RAB28: variants seen among roughly 807,000 people sequenced by gnomAD.
The protein encoded by RAB28 is RAB28, member RAS oncogene family.
Under a neutral mutation model 31.7 loss-of-function variants are expected in RAB28, and 24 were observed. The ratio of observed to expected loss-of-function variants is 0.76; its 90% CI spans 0.55 to 1.06. RAB28 has a LOEUF of 1.06. Among genes scored for constraint, RAB28 ranks in the 50% least tolerant of loss-of-function variants. The probability of loss-of-function intolerance (pLI) is 0.00; values close to 1 mark genes in which losing one functional copy is unlikely to be tolerated. For missense variants in RAB28, 254 were observed against 258.5 expected (o/e 0.98, Z 0.12); for synonymous variants, 100 against 90.4 (o/e 1.11, Z -0.60).
chr4:13,428,057 T>G (rs1021110020), intron 4 of RAB28, among the ~76,000 whole-genome samples: 2 of 152,174 alleles, frequency 1.3e-5, no homozygotes, highest in African/African-American at 4.8e-5. Flanking sequence ...GGGGGCTGCA[T>G]GCATCAGTAA....
chr4:13,483,049 T>C (rs1429290096), intron 1 of RAB28, among the ~76,000 whole-genome samples: 1 of 152,134 alleles, frequency 6.6e-6, no homozygotes, highest in African/African-American at 2.4e-5. Context: ...GGTGATAAAC[T>C]TTAGCAATAT....
chr4:13,437,290 G>A (rs1714176352), intron 4 of RAB28, among the ~76,000 whole-genome samples: 1 of 152,078 alleles, frequency 6.6e-6, no homozygotes, highest in South Asian at 2.1e-4. Context: ...AAACCCTCCT[G>A]AACATTGGCA....
intron 5 of RAB28, among the ~76,000 whole-genome samples, chr4:13,377,547 C>T (rs4834950): frequency 0.99 from 150,954 of 152,304 alleles, 74,832 homozygotes; most frequent in Middle Eastern, 1. Context: ...TAAAAGAAGA[C>T]GAGCAAAGAG....
chr4:13,384,915 T>C (rs186693818), intron 4 of RAB28, among the ~76,000 whole-genome samples: 153 of 152,180 alleles, frequency 1.0e-3, no homozygotes, highest in African/African-American at 3.5e-3. Context: ...GAAACGAAGG[T>C]CACTGAGATG....
At chr4:13,411,073 GA>G in intron 4 of RAB28, among the ~76,000 whole-genome samples, 1 of 151,640 alleles carries the variant, frequency 6.6e-6, no homozygotes, top group Middle Eastern at 3.4e-3. Context: ...AAGAAACAGA[GA>G]AAAAAATCCT....
At chr4:13,421,585 C>G (rs939886030) in intron 4 of RAB28, among the ~76,000 whole-genome samples, 6 of 152,180 alleles carry the variant, frequency 3.9e-5, no homozygotes, top group African/African-American at 1.4e-4. Flanking sequence ...ACAGAGGCCT[C>G]AGAAACAACA....
At chr4:13,381,190 G>A (rs1246946817) in intron 5 of RAB28, among the ~76,000 whole-genome samples, 1 of 152,080 alleles carries the variant, frequency 6.6e-6, no homozygotes, top group East Asian at 1.9e-4. Flanking sequence ...CAGCACTAGT[G>A]TGAGCATCAG....
At chr4:13,433,620 C>T (rs1338661648) in intron 4 of RAB28, among the ~76,000 whole-genome samples, 1 of 151,576 alleles carries the variant, frequency 6.6e-6, no homozygotes, top group Non-Finnish European at 1.5e-5. Context: ...TACAATCTCA[C>T]ACCAGTCAGC....
chr4:13,369,740 C>T (rs777732020), intron 6 of RAB28: 19 of 880,744 alleles, frequency 2.2e-5, no homozygotes, highest in African/African-American at 3.5e-5. Context: ...AAGACGTAGA[C>T]GTGATATTAA....
chr4:13,408,024 C>T (rs375115763), intron 4 of RAB28, among the ~76,000 whole-genome samples: 1 of 152,152 alleles, frequency 6.6e-6, no homozygotes, highest in East Asian at 1.9e-4. Context: ...TGCCTGATTG[C>T]CCTGGCCAGA....
In RAB28 at chr4:13,367,764, C is replaced by T; in HGVS notation, c.*794G>A. On this transcript the variant is annotated 3_prime_UTR_variant, in exon 7 of 7. Coordinates refer to ENST00000330852, the MANE Select transcript of RAB28 (RefSeq NM_001017979.3). ...TATTTGTGAAAGAAAAACATCTGAA[C>T]ATCAGGTACAGTCTGATCCACAATG... The T allele has an allele frequency of 6.1e-6, 6 of 985,100 alleles. No individual in the cohort carries two copies. Among genetic ancestry groups the T allele is most frequent in the Non-Finnish European group, 7.2e-6 (6 of 829,684 alleles). The allele number at this position is 985,100 out of a possible 1,614,324, so 61.0% of individuals were successfully genotyped here.
chr4:13,442,091 A>G (rs555575633), intron 4 of RAB28, among the ~76,000 whole-genome samples: 1 of 152,246 alleles, frequency 6.6e-6, no homozygotes, highest in Non-Finnish European at 1.5e-5. Flanking sequence ...GGGTAATCTC[A>G]AATAGTCAAT....
At chr4:13,448,345 C>A (rs1714799651) in intron 4 of RAB28, among the ~76,000 whole-genome samples, 1 of 151,892 alleles carries the variant, frequency 6.6e-6, no homozygotes, top group Admixed American at 6.6e-5. Context: ...ATGAATTATG[C>A]TTTTATTAGC....
At chr4:13,389,213 C>A (rs1729518536) in intron 4 of RAB28, among the ~76,000 whole-genome samples, 1 of 152,088 alleles carries the variant, frequency 6.6e-6, no homozygotes, top group Non-Finnish European at 1.5e-5. Context: ...TCACCAAATG[C>A]AAATATCATA....
intron 4 of RAB28, among the ~76,000 whole-genome samples, chr4:13,415,482 A>G (rs1380431245): frequency 1.3e-5 from 2 of 152,100 alleles, no homozygotes; most frequent in Non-Finnish European, 1.5e-5. Flanking sequence ...AGCGGGCTGC[A>G]CTCAGAGCGC....
chr4:13,455,926 T>A (rs1215698921), intron 4 of RAB28, among the ~76,000 whole-genome samples: 1 of 152,230 alleles, frequency 6.6e-6, no homozygotes, highest in South Asian at 2.1e-4. Flanking sequence ...GTGCCAGATG[T>A]CTCTATTCAC....
chr4:13,425,374 T>C (rs1178705664), intron 4 of RAB28, among the ~76,000 whole-genome samples: 2 of 152,200 alleles, frequency 1.3e-5, no homozygotes, highest in Non-Finnish European at 2.9e-5. Flanking sequence ...CTTAAACTAA[T>C]ACTAAAATTA....
chr4:13,448,327 CAAAT>C (rs1217714097), intron 4 of RAB28, among the ~76,000 whole-genome samples: 2 of 151,832 alleles, frequency 1.3e-5, no homozygotes, highest in African/African-American at 2.4e-5. Context: ...TAAAAGAAAA[CAAAT>C]AAGATGAATT....
chr4:13,429,080 G>C (rs543339399), intron 4 of RAB28, among the ~76,000 whole-genome samples: 1 of 152,030 alleles, frequency 6.6e-6, no homozygotes, highest in African/African-American at 2.4e-5. Context: ...GAGTAGCTGG[G>C]ATTACAGGCG....
Sources: gnomAD v4.1 joint callset for allele counts (sites outside exome capture counted in the v4.1 genomes callset) on GRCh38, gnomAD v4.1.1 for gene constraint, MANE v1.5 for transcripts, NCBI Gene and HGNC (gene_info 2026-07-23, HGNC 2026-07-21) for gene names.